The following KCNH7 variants were observed in gnomAD, a reference collection of about 807,000 sequenced individuals.
KCNH7 encodes voltage-gated inwardly rectifying potassium channel KCNH7.
Under a neutral mutation model 120.8 loss-of-function variants are expected in KCNH7, and 49 were observed. The ratio of observed to expected loss-of-function variants is 0.41; its 90% confidence interval spans 0.32 to 0.51. The LOEUF is 0.51. KCNH7 is among the 20% of genes least tolerant of loss of function. The probability of loss-of-function intolerance (pLI) is 0.38; values close to 1 mark genes in which losing one functional copy is unlikely to be tolerated. For missense variants in KCNH7, 1,097 were observed against 1,446.6 expected (o/e 0.76, Z 3.92); for synonymous variants, 547 against 516.1 (o/e 1.06, Z -0.81).
chr2:162,401,887 T>G (rs575384691), intron 9 of KCNH7, among the ~76,000 whole-genome samples: 2 of 152,000 alleles, frequency 1.3e-5, no homozygotes, highest in South Asian at 4.1e-4. Flanking sequence ...ATGAGAATCT[T>G]TGCAATATTG....
At chr2:162,756,441 C>T (rs978618239) in intron 2 of KCNH7, among the ~76,000 whole-genome samples, 1 of 152,024 alleles carries the variant, frequency 6.6e-6, no homozygotes, top group Non-Finnish European at 1.5e-5. Context: ...AGGAAAATTT[C>T]AACTCTTTTG....
intron 12 of KCNH7, among the ~76,000 whole-genome samples, chr2:162,385,439 T>G (rs113491640): frequency 6.6e-6 from 1 of 151,954 alleles, no homozygotes; most frequent in African/African-American, 2.4e-5. Flanking sequence ...AACCTTAGTC[T>G]GATGCATGTA....
At chr2:162,507,566 T>A (rs1446166557) in intron 5 of KCNH7, among the ~76,000 whole-genome samples, 1 of 151,582 alleles carries the variant, frequency 6.6e-6, no homozygotes, top group East Asian at 1.9e-4. Flanking sequence ...AATTTCTCAT[T>A]ACATAACAAA....
intron 2 of KCNH7, among the ~76,000 whole-genome samples, chr2:162,791,678 G>A (rs1413193325): frequency 6.6e-6 from 1 of 151,994 alleles, no homozygotes; most frequent in African/African-American, 2.4e-5. Flanking sequence ...AGAAGCTTTT[G>A]GGCTGAGACT....
At chr2:162,591,816 A>T (rs1694224738) in intron 2 of KCNH7, among the ~76,000 whole-genome samples, 2 of 151,892 alleles carry the variant, frequency 1.3e-5, no homozygotes, top group African/African-American at 4.8e-5. Context: ...CTCATTATTG[A>T]CGTATTTTTC....
At chr2:162,806,080 G>T (rs1371249350) in intron 2 of KCNH7, among the ~76,000 whole-genome samples, 1 of 152,030 alleles carries the variant, frequency 6.6e-6, no homozygotes, top group Non-Finnish European at 1.5e-5. Context: ...TGGAGACTAA[G>T]GAGGGGGCAC....
At chr2:162,399,307 A>G (rs1687005116) in intron 10 of KCNH7, among the ~76,000 whole-genome samples, 1 of 151,706 alleles carries the variant, frequency 6.6e-6, no homozygotes, top group Non-Finnish European at 1.5e-5. Flanking sequence ...AAGAAGTACT[A>G]CAAGTTCACA....
chr2:162,577,323 ATCTATCTG>A (rs369940097), intron 2 of KCNH7, among the ~76,000 whole-genome samples: 3,948 of 148,502 alleles, frequency 0.027, 76 homozygotes, highest in Middle Eastern at 0.038. Context: ...CTATCTATCT[ATCTATCTG>A]TCTATCATCT....
intron 2 of KCNH7, among the ~76,000 whole-genome samples, chr2:162,635,538 G>A (rs974962698): frequency 2.6e-5 from 4 of 151,938 alleles, no homozygotes; most frequent in African/African-American, 9.7e-5. Context: ...GCAAATCTCA[G>A]TGCTGATTTT....
intron 6 of KCNH7, among the ~76,000 whole-genome samples, chr2:162,498,847 G>C (rs914763352): frequency 4.6e-5 from 7 of 152,190 alleles, no homozygotes; most frequent in East Asian, 3.9e-4. Context: ...AAGCAAGGGA[G>C]AGAATGTCAC....
chr2:162,823,743 G>A (rs184331480), intron 2 of KCNH7, among the ~76,000 whole-genome samples: 2 of 152,158 alleles, frequency 1.3e-5, no homozygotes, highest in East Asian at 1.9e-4. Context: ...GATTTCTTTT[G>A]TCTTTTCCAG....
chr2:162,525,480 T>C (rs1187268780), intron 3 of KCNH7, among the ~76,000 whole-genome samples: 4 of 151,922 alleles, frequency 2.6e-5, no homozygotes, highest in Non-Finnish European at 2.9e-5. Context: ...GATTTCAGCC[T>C]CTTAGGGTTA....
chr2:162,737,508 A>C (rs1277433805), intron 2 of KCNH7, among the ~76,000 whole-genome samples: 1 of 152,108 alleles, frequency 6.6e-6, no homozygotes, highest in Non-Finnish European at 1.5e-5. Flanking sequence ...AAAATATAGA[A>C]CTTTAGCTAT....
intron 2 of KCNH7, among the ~76,000 whole-genome samples, chr2:162,814,024 C>T (rs777673056): frequency 2.0e-5 from 3 of 152,092 alleles, no homozygotes; most frequent in Non-Finnish European, 4.4e-5. Context: ...ATGCAGAAAC[C>T]TGGAAATTGG....
intron 2 of KCNH7, among the ~76,000 whole-genome samples, chr2:162,826,097 T>C (rs1479105586): frequency 6.6e-6 from 1 of 152,086 alleles, no homozygotes; most frequent in East Asian, 1.9e-4. Context: ...TCTTCTGATA[T>C]CATACAGGCC....
intron 2 of KCNH7, among the ~76,000 whole-genome samples, chr2:162,539,436 C>T (rs1299676675): frequency 1.3e-5 from 2 of 151,928 alleles, no homozygotes; most frequent in Non-Finnish European, 2.9e-5. Flanking sequence ...TTTGAGAAAT[C>T]AAGAAATAAA....
chr2:162,822,710 G>A (rs923597300), intron 2 of KCNH7, among the ~76,000 whole-genome samples: 2 of 152,174 alleles, frequency 1.3e-5, no homozygotes, highest in African/African-American at 2.4e-5. Flanking sequence ...AAGGAATTGT[G>A]GGAAACAGAG....
intron 12 of KCNH7, among the ~76,000 whole-genome samples, chr2:162,390,296 A>G (rs1228838871): frequency 6.7e-6 from 1 of 150,368 alleles, no homozygotes; most frequent in Non-Finnish European, 1.5e-5. Context: ...TAATATATAA[A>G]TTATGTATAT....
intron 2 of KCNH7, among the ~76,000 whole-genome samples, chr2:162,805,203 G>C (rs892856849): frequency 3.3e-5 from 5 of 151,862 alleles, no homozygotes; most frequent in East Asian, 3.9e-4. Context: ...AGCCCCAAAA[G>C]CAAATGCAAC....
Sources: allele counts gnomAD v4.1 joint callset (sites outside exome capture counted in the v4.1 genomes callset), GRCh38; gene constraint gnomAD v4.1.1; transcripts MANE v1.5; gene names NCBI Gene and HGNC (gene_info 2026-07-23, HGNC 2026-07-21).